The following PIP variants were observed in gnomAD, a reference collection of about 807,000 sequenced individuals.
PIP encodes prolactin induced protein.
PIP carries 9 observed loss-of-function variants against 12.8 expected under a neutral mutation model. The observed-to-expected ratio is 0.70, with a 90% confidence interval of 0.42 to 1.23. PIP has a LOEUF of 1.23. Among genes scored for constraint, PIP ranks in the 50% most tolerant of loss-of-function variants. The probability of loss-of-function intolerance (pLI) is 0.00; values close to 1 mark genes in which losing one functional copy is unlikely to be tolerated. For synonymous variants in PIP, 60 were observed against 66.1 expected, an observed-to-expected ratio of 0.91 and a Z score of 0.45; for missense variants, 172 against 179.5, an observed-to-expected ratio of 0.96 and a Z score of 0.24.
chr7:143,138,968 C>T, intron 2 of PIP, 107 bp from the exon 3 acceptor site: 1 of 700,802 alleles, frequency 1.4e-6, no homozygotes, highest in South Asian at 1.6e-5. Flanking sequence ...CCTAGGCCCA[C>T]CTCCACCCCC....
At chr7:143,134,370 G>C (rs2116567159) in intron 1 of PIP, among the ~76,000 whole-genome samples, 1 of 151,166 alleles carries the variant, frequency 6.6e-6, no homozygotes, top group South Asian at 2.1e-4. Context: ...CCTCTGGGTA[G>C]ATACCCAGTA....
intron 2 of PIP, among the ~76,000 whole-genome samples, chr7:143,135,678 C>G (rs1420884784): frequency 9.2e-5 from 14 of 151,874 alleles, no homozygotes; most frequent in Admixed American, 9.2e-4. Flanking sequence ...AACTCCACAC[C>G]ATAGGTTGAG....
At chr7:143,134,848 A>G (rs1308343650) in intron 1 of PIP, among the ~76,000 whole-genome samples, 1 of 151,944 alleles carries the variant, frequency 6.6e-6, no homozygotes, top group East Asian at 1.9e-4. Context: ...GAATTGTGCT[A>G]CTATAAACAT....
intron 1 of PIP, 132 bp downstream of exon 1, chr7:143,132,343 A>T: frequency 2.0e-6 from 2 of 1,001,076 alleles, no homozygotes; most frequent in Non-Finnish European, 2.9e-6. Flanking sequence ...GCTCCCATGG[A>T]TCTCCTGCCA....
intron 2 of PIP, among the ~76,000 whole-genome samples, chr7:143,138,254 G>T (rs1799331417): frequency 6.6e-6 from 1 of 152,066 alleles, no homozygotes; most frequent in African/African-American, 2.4e-5. Flanking sequence ...GTGGTTCCTT[G>T]ATGACATTCA....
intron 1 of PIP, among the ~76,000 whole-genome samples, chr7:143,134,033 A>AG (rs1799272050): frequency 6.6e-6 from 1 of 151,004 alleles, no homozygotes; most frequent in Non-Finnish European, 1.5e-5. Flanking sequence ...GAGTCCTCAA[A>AG]GCTTAGCTCC....
intron 1 of PIP, 57 bp downstream of exon 1, chr7:143,132,268 AG>A: frequency 6.3e-7 from 1 of 1,583,444 alleles, no homozygotes; most frequent in South Asian, 1.1e-5. Context: ...CTCCTCTCCC[AG>A]TCTGGAAATT....
Position 143,139,670 on chromosome 7 carries a change from A to G in PIP, c.*28A>G, listed in dbSNP as rs1260551054. ...GAAGCCCTGTCTGTTTGCCACACCC[A>G]GGTGATTTCCTCTAAAGAAACTTGG... is the stretch of plus-strand genomic sequence containing the variant. On this transcript the variant is annotated 3_prime_UTR_variant, in exon 4 of 4. Transcript: ENST00000291009. 1 of 1,590,236 alleles carries G rather than the reference A, an allele frequency of 6.3e-7. No homozygotes were observed. The highest frequency in any genetic ancestry group is 8.6e-7 in the Non-Finnish European group (1 of 1,161,502).
rs1331723859 is a variant in PIP at position 143,136,075 on chromosome 7, C to A, written c.201+776C>A. ...GCAGCTTGGGATTAGAGCATTATCC[C>A]TCCTGTCTAGCTGCCAAGGGCCAGA... On this transcript the variant is annotated intron_variant, in intron 2 of 3. Coordinates refer to ENST00000291009, the MANE Select transcript of PIP (RefSeq NM_002652.3). Among the ~76,000 whole-genome samples, 5 of 152,032 alleles carry A rather than the reference C, an allele frequency of 3.3e-5. No homozygotes were observed. In the East Asian group the frequency reaches 7.7e-4, roughly 23 times the overall value.
chr7:143,134,234 AC>A (rs1563015912), intron 1 of PIP, among the ~76,000 whole-genome samples: 29 of 89,066 alleles, frequency 3.3e-4, no homozygotes, highest in African/African-American at 1.1e-3. Flanking sequence ...ATATATATAT[AC>A]CACAGTTTCT....
intron 2 of PIP, among the ~76,000 whole-genome samples, chr7:143,138,153 G>A (rs1472372734): frequency 6.6e-6 from 1 of 152,068 alleles, no homozygotes; most frequent in East Asian, 1.9e-4. Context: ...AGTACATTCA[G>A]GCTGTATTTC....
At chr7:143,139,306 G>A (rs891907336) in intron 3 of PIP, 117 bp downstream of exon 3, 4 of 839,604 alleles carry the variant, frequency 4.8e-6, no homozygotes, top group African/African-American at 1.7e-5. Context: ...CAGAAGGACA[G>A]AAGGGAGGGA....
Position 143,139,551 on chromosome 7 carries a change from T to C in PIP, c.350T>C (p.Ile117Thr), listed in dbSNP as rs1281524974. Residue 117 changes from isoleucine to threonine, a missense_variant, in exon 4 of 4, where the codon ATT (isoleucine) becomes ACT (threonine). Transcript: ENST00000291009. ...CAAATTGCAGCCGTCGTTGATGTTA[T>C]TCGGGAATTAGGCATCTGCCCTGAT... ...TVQIAAVVDV[I>T]RELGICPDDA... The C allele has an allele frequency of 3.7e-6, 6 of 1,613,006 alleles. No homozygotes were observed. Among genetic ancestry groups the C allele is most frequent in the Non-Finnish European group, 5.1e-6 (6 of 1,179,104 alleles).
chr7:143,133,653 G>C (rs564194319), intron 1 of PIP, among the ~76,000 whole-genome samples: 1 of 152,016 alleles, frequency 6.6e-6, no homozygotes, highest in South Asian at 2.1e-4. Context: ...ATGTAGAGTA[G>C]TATCTAAAGT....
chr7:143,135,092 C>A, intron 1 of PIP, 102 bp from the exon 2 acceptor site: 1 of 570,546 alleles, frequency 1.8e-6, no homozygotes. Flanking sequence ...CATAATTTCC[C>A]TCCCTTGCCC....
intron 2 of PIP, 103 bp from the exon 3 acceptor site, chr7:143,138,972 C>A: frequency 1.4e-6 from 1 of 711,214 alleles, no homozygotes. Context: ...GGCCCACCTC[C>A]ACCCCCACTC....
Position 143,139,197 on chromosome 7 carries a change from C to T in PIP, c.316+8C>T, listed in dbSNP as rs982021122. On this transcript the variant is annotated splice_region_variant and intron_variant, in intron 3 of 3. Coordinates refer to ENST00000291009, the MANE Select transcript of PIP (RefSeq NM_002652.3). ...GGGACTTTTACACCAACAGTAAGTA[C>T]AGAAGTTGTCCAAGGAGGGAACTAC... The T allele has an allele frequency of 2.7e-6, 4 of 1,462,892 alleles. No homozygotes were observed. In the African/African-American group the frequency reaches 5.5e-5, roughly 20 times the overall value. 90.6% of individuals were successfully genotyped at this position (1,462,892 alleles called of 1,614,324 possible).
At position 143,139,728 on chromosome 7, in the gene PIP, TTC is replaced by T. The variant is rs1446376928; in HGVS notation, c.*88_*89del. On this transcript the variant is annotated 3_prime_UTR_variant, in exon 4 of 4. Coordinates refer to ENST00000291009, the MANE Select transcript of PIP (RefSeq NM_002652.3). ...TTCTGCTGTGGTCTATAAAATAAAC[TTC>T]TTAACATGCTTCTCCATGTTCTGTT... is the stretch of plus-strand genomic sequence containing the variant. 12 of 1,303,068 alleles carry T rather than the reference TTC, an allele frequency of 9.2e-6. No homozygotes were observed. Among genetic ancestry groups the T allele is most frequent in the Non-Finnish European group, 1.3e-5 (12 of 922,808 alleles). The allele number at this position is 1,303,068 out of a possible 1,614,324, so 80.7% of individuals were successfully genotyped here.
At chr7:143,136,538 G>C (rs1044377001) in intron 2 of PIP, among the ~76,000 whole-genome samples, 8 of 152,006 alleles carry the variant, frequency 5.3e-5, no homozygotes, top group Admixed American at 4.6e-4. Flanking sequence ...ACACTAATTT[G>C]GGGTAGGAGC....
Sources: gnomAD v4.1 joint callset for allele counts (sites outside exome capture counted in the v4.1 genomes callset) on GRCh38, gnomAD v4.1.1 for gene constraint, MANE v1.5 for transcripts, NCBI Gene and HGNC (gene_info 2026-07-23, HGNC 2026-07-21) for gene names.